CAMK4: variants seen among roughly 807,000 people sequenced by gnomAD.
CAMK4 encodes calcium/calmodulin dependent protein kinase IV.
CAMK4 carries 22 observed loss-of-function variants against 44.9 expected under a neutral mutation model. That is an observed-to-expected ratio of 0.49 (90% CI 0.35 to 0.70). The LOEUF is 0.70. Among genes scored for constraint, CAMK4 ranks in the 30% least tolerant of loss-of-function variants. The probability of loss-of-function intolerance (pLI) is 0.01; values close to 1 mark genes in which losing one functional copy is unlikely to be tolerated. For missense variants in CAMK4, 498 were observed against 586.8 expected (o/e 0.85, Z 1.56); for synonymous variants, 218 against 215.4 (o/e 1.01, Z -0.11).
chr5:111,339,106 C>T (rs1289112202), intron 1 of CAMK4, among the ~76,000 whole-genome samples: 1 of 151,036 alleles, frequency 6.6e-6, no homozygotes, highest in Non-Finnish European at 1.5e-5. Context: ...TGTTTGAGTT[C>T]CTTATATATT....
chr5:111,267,793 A>G lies in CAMK4; in HGVS notation c.161+43149A>G, dbSNP rs562048302. On this transcript the variant is annotated intron_variant, in intron 1 of 10. Coordinates refer to ENST00000282356, the MANE Select transcript of CAMK4 (RefSeq NM_001744.6). ...GAATATCCCACGTTACAAACACAAT[A>G]GCTCAGATTAATAACACTAATATGA... Among the ~76,000 whole-genome samples, 29 of 152,224 alleles carry G rather than the reference A, an allele frequency of 1.9e-4. 2 individuals carry two copies. In the South Asian group the frequency reaches 5.8e-3, roughly 30 times the overall value.
In CAMK4 at chr5:111,434,422, C is replaced by T. The variant is rs527422462; in HGVS notation, c.460-12264C>T. Among the ~76,000 whole-genome samples the T allele has an allele frequency of 5.9e-5, 9 of 152,100 alleles. 1 individual carries two copies. The highest frequency in any genetic ancestry group is 4.2e-4 in the South Asian group (2 of 4,806). On this transcript the variant is annotated intron_variant, in intron 5 of 10. Coordinates refer to ENST00000282356, the MANE Select transcript of CAMK4 (RefSeq NM_001744.6). ...AGGATTATGACTGATTGGCCAAGGC[C>T]GGTGAGGAAAAAGGAGGCATTAAGG...
At chr5:111,377,713 A>G (rs1751267815) in intron 4 of CAMK4, among the ~76,000 whole-genome samples, 1 of 152,154 alleles carries the variant, frequency 6.6e-6, no homozygotes, top group Non-Finnish European at 1.5e-5. Flanking sequence ...AATGGACTTT[A>G]AAGAAGACAA....
At position 111,492,296 on chromosome 5, in the gene CAMK4, A is replaced by G. The variant is rs1180142601; in HGVS notation, c.*7830A>G. 2 of 152,182 alleles carry G rather than the reference A, an allele frequency of 1.3e-5. No homozygotes were observed. Among genetic ancestry groups the G allele is most frequent in the African/African-American group, 4.8e-5 (2 of 41,450 alleles). The allele number at this position is 152,182 out of a possible 1,614,324, so 9.4% of individuals were successfully genotyped here. The stretch of plus-strand genomic sequence containing the variant: ...TAGGAGTACCTAAAATTATAACTCT[A>G]AATAATATACAGCAATATTATTGCT... On this transcript the variant is annotated 3_prime_UTR_variant, in exon 11 of 11. Coordinates refer to ENST00000282356, the MANE Select transcript of CAMK4 (RefSeq NM_001744.6).
At chr5:111,292,383 ATG>A (rs1191518930) in intron 1 of CAMK4, among the ~76,000 whole-genome samples, 3 of 152,098 alleles carry the variant, frequency 2.0e-5, no homozygotes, top group African/African-American at 4.8e-5. Flanking sequence ...ATGTGTACAT[ATG>A]TGTTTGTGTG....
chr5:111,405,694 A>G (rs1326175016), intron 5 of CAMK4, among the ~76,000 whole-genome samples: 1 of 152,158 alleles, frequency 6.6e-6, no homozygotes, highest in Non-Finnish European at 1.5e-5. Flanking sequence ...CAGGTGACTT[A>G]CTAAAATGGT....
chr5:111,251,284 C>T (rs150175954), intron 1 of CAMK4, among the ~76,000 whole-genome samples: 2 of 152,308 alleles, frequency 1.3e-5, no homozygotes, highest in Non-Finnish European at 1.5e-5. Context: ...GAATGATATC[C>T]ACTTCATTCT....
At chr5:111,366,478 C>A (rs1230658507) in intron 2 of CAMK4, among the ~76,000 whole-genome samples, 1 of 152,144 alleles carries the variant, frequency 6.6e-6, no homozygotes, top group Non-Finnish European at 1.5e-5. Flanking sequence ...ATTGTCCTCT[C>A]TATTCTCCAG....
intron 2 of CAMK4, among the ~76,000 whole-genome samples, chr5:111,346,030 A>G (rs568537037): frequency 6.6e-6 from 1 of 152,092 alleles, no homozygotes; most frequent in South Asian, 2.1e-4. Context: ...AATCCCCAGT[A>G]TTGTCTCCTA....
chr5:111,322,374 A>T (rs1410475682), intron 1 of CAMK4, among the ~76,000 whole-genome samples: 1 of 152,098 alleles, frequency 6.6e-6, no homozygotes, highest in Non-Finnish European at 1.5e-5. Flanking sequence ...ATCACACTTA[A>T]ATAAGAAGGA....
intron 1 of CAMK4, among the ~76,000 whole-genome samples, chr5:111,234,141 G>A (rs1748601949): frequency 6.6e-6 from 1 of 152,180 alleles, no homozygotes; most frequent in African/African-American, 2.4e-5. Flanking sequence ...AAGAATGGTA[G>A]TCATAAGTGG....
intron 5 of CAMK4, among the ~76,000 whole-genome samples, chr5:111,444,972 C>T (rs1753974955): frequency 6.6e-6 from 1 of 152,174 alleles, no homozygotes; most frequent in South Asian, 2.1e-4. Flanking sequence ...AAGATATTAA[C>T]ATATATGCAT....
rs1755322511 is a variant in CAMK4 at position 111,478,490 on chromosome 5, C to G, written c.811C>G (p.Leu271Val). The stretch of plus-strand genomic sequence containing the variant: ...CTCCCCCTGGTGGGATGAAGTATCT[C>G]TAAATGCCAAGGACTTGGTAAGTGT... ...FISPWWDEVSLNAKDLVRKLI... is the reference protein window; with the variant it reads ...FISPWWDEVSVNAKDLVRKLI... Residue 271 changes from leucine (L) to valine (V), a missense_variant, in exon 9 of 11, where the codon CTA becomes GTA. Physicochemically the swap from Leu to Val is conservative, Grantham distance 32. Transcript: ENST00000282356. 3.2e-6 allele frequency: 5 copies of G among 1,541,060 alleles called. No homozygotes were observed. Among genetic ancestry groups the G allele is most frequent in the Non-Finnish European group, 4.5e-6 (5 of 1,122,618 alleles).
intron 2 of CAMK4, among the ~76,000 whole-genome samples, chr5:111,347,245 T>G (rs1749908172): frequency 6.6e-6 from 1 of 152,002 alleles, no homozygotes; most frequent in Non-Finnish European, 1.5e-5. Flanking sequence ...ATAAGGACAG[T>G]AGTCAGCATT....
In CAMK4 at chr5:111,484,282, C is replaced by T. The variant is rs147516085; in HGVS notation, c.1238C>T (p.Ala413Val). The T allele has an allele frequency of 1.9e-3, 3,084 of 1,613,996 alleles. 9 individuals carry two copies. Among genetic ancestry groups the T allele is most frequent in the Non-Finnish European group, 1.7e-3 (2,052 of 1,179,974 alleles). ...GGTGCAGATATAAATGCTGAAGAGG[C>T]CCCCAAAATGGTGCCCAAGGCAGTG... ...VKGADINAEEAPKMVPKAVED... is the reference protein window; with the variant it reads ...VKGADINAEEVPKMVPKAVED... Residue 413 changes from alanine to valine, a missense_variant, in exon 11 of 11, where the codon GCC (alanine) becomes GTC (valine). By Grantham distance (64) the Ala-to-Val change is moderately conservative (BLOSUM62 0). Around this residue, in one of 3 missense-constraint regions of CAMK4, gnomAD observed 143 missense variants for 144.9 expected, o/e 0.99. Transcript: ENST00000282356. This position sits in a 1 kb window ranked among gnomAD's most constrained non-coding sequence, Gnocchi z 5.3.
intron 7 of CAMK4, among the ~76,000 whole-genome samples, chr5:111,471,380 C>T (rs1409990117): frequency 6.6e-6 from 1 of 152,172 alleles, no homozygotes; most frequent in Non-Finnish European, 1.5e-5. Flanking sequence ...CCACTGTGGG[C>T]TTTGTCTTCA....
chr5:111,352,561 G>C (rs545491349), intron 2 of CAMK4, among the ~76,000 whole-genome samples: 8 of 151,314 alleles, frequency 5.3e-5, no homozygotes, highest in Non-Finnish European at 7.4e-5. Flanking sequence ...AGTTCTGGAG[G>C]AGGCTGAGAA....
At position 111,482,724 on chromosome 5, in the gene CAMK4, TGA is replaced by T; in HGVS notation, c.829-59_829-58del. The T allele has an allele frequency of 7.3e-7, 1 of 1,367,466 alleles. No homozygotes were observed. The highest frequency in any genetic ancestry group is 1.0e-6 in the Non-Finnish European group (1 of 993,030). The allele number at this position is 1,367,466 out of a possible 1,614,324, so 84.7% of individuals were successfully genotyped here. ...GAATAAGATCTGGAAGTTTGTAAGCTGAGGGCAAGCCCAGGTCATCCTAAAAA... is the reference window on the plus strand; with the variant it reads ...GAATAAGATCTGGAAGTTTGTAAGCTGGGCAAGCCCAGGTCATCCTAAAAA... On this transcript the variant is annotated intron_variant, in intron 9 of 10. Transcript: ENST00000282356. The surrounding 1 kb of genome is among the most constrained non-coding windows in gnomAD (Gnocchi z 4.9).
At chr5:111,413,034 A>T (rs1198284448) in intron 5 of CAMK4, among the ~76,000 whole-genome samples, 3 of 152,122 alleles carry the variant, frequency 2.0e-5, no homozygotes, top group Non-Finnish European at 4.4e-5. Flanking sequence ...TGCTTCAATA[A>T]AAGTTGCTGT....
Sources: allele counts gnomAD v4.1 joint callset (sites outside exome capture counted in the v4.1 genomes callset), GRCh38; gene constraint gnomAD v4.1.1; regional missense constraint gnomAD v4.1.1; non-coding constraint Gnocchi (gnomAD v3.1); transcripts MANE v1.5; gene names NCBI Gene and HGNC (gene_info 2026-07-23, HGNC 2026-07-21).